Variants in DNAH10 observed in about 807,000 individuals in gnomAD.
DNAH10 encodes dynein axonemal heavy chain 10, also known as axonemal beta dynein heavy chain 10.
DNAH10 carries 348 observed loss-of-function variants against 506.6 expected under a neutral mutation model. That is an observed-to-expected ratio of 0.69 (90% CI 0.63 to 0.75). DNAH10 has a LOEUF of 0.75. DNAH10 is among the 30% of genes least tolerant of loss of function. The pLI is 0.00. For synonymous variants in DNAH10, 2,059 were observed against 2,198.6 expected (o/e 0.94, Z 1.78); for missense variants, 5,179 against 5,787.1 (o/e 0.89, Z 3.41).
chr12:123,778,193 A>G (rs1000067878), intron 5 of DNAH10, among the ~76,000 whole-genome samples: 4 of 122,024 alleles, frequency 3.3e-5, no homozygotes, highest in Non-Finnish European at 5.0e-5. Flanking sequence ...ACAGAGAGAT[A>G]CTCCATCTCT....
Position 123,882,789 on chromosome 12 carries a change from CAAAAAAAAAAAAAA to C in DNAH10, c.8823+989_8823+1002del, listed in dbSNP as rs59295124. ...CCTGGGAGACAGAGTAAGACTCTGT[CAAAAAAAAAAAAAA>C]AAAAAAAAAAAAGAACATTTTGTGG... On this transcript the variant is annotated intron_variant, in intron 51 of 78. Coordinates refer to ENST00000673944, the MANE Select transcript of DNAH10 (RefSeq NM_001372106.1). 2.4e-4 allele frequency among the ~76,000 whole-genome samples: 15 copies of C among 62,258 alleles called. 1 individual carries two copies. The East Asian group carries it at 2.7e-3, about 11-fold the overall frequency. The allele number at this position is 62,258 out of a possible 152,430, so 40.8% of individuals were successfully genotyped here.
At chr12:123,772,966 G>T (rs917378160) in intron 4 of DNAH10, 24 bp downstream of exon 4, 1 of 1,535,498 alleles carries the variant, frequency 6.5e-7, no homozygotes, top group African/African-American at 1.4e-5. Context: ...ACGTGTGTGT[G>T]TATGTGTGTT....
At chr12:123,833,535 G>T (rs573455307) in intron 27 of DNAH10, among the ~76,000 whole-genome samples, 188 bp downstream of exon 27, 5 of 152,170 alleles carry the variant, frequency 3.3e-5, no homozygotes, top group Non-Finnish European at 7.4e-5. Flanking sequence ...GAATTGATCT[G>T]AATTTTTATT....
In DNAH10 at chr12:123,768,094, A is replaced by G. The variant is rs73420365; in HGVS notation, c.298+405A>G. Among the ~76,000 whole-genome samples, 833 of 151,094 alleles carry G rather than the reference A, an allele frequency of 5.5e-3. 5 individuals carry two copies. The highest frequency in any genetic ancestry group is 0.019 in the African/African-American group (791 of 41,146). ...CGTCACATGGCCTTGTCCCCTCTGT[A>G]TCTTTCTTCTCCGTGTGTCCTCTCT... On this transcript the variant is annotated intron_variant, in intron 2 of 78. Transcript: ENST00000673944.
rs759824797 is a variant in DNAH10 at position 123,898,761 on chromosome 12, A to T, written c.9587A>T (p.Lys3196Met). ...GAGCAGAAGATCGTGCTGGCGGAGA[A>T]GTCCGCCGCCTGCGAGGCCTTGCTG... ...LAEQKIVLAE[K>M]SAACEALLEE... Residue 3196 changes from lysine (K) to methionine (M), a missense_variant, in exon 56 of 79, where the codon AAG becomes ATG. Lys to Met is a moderately conservative substitution (Grantham distance 95, BLOSUM62 -1). Transcript: ENST00000673944. 1.2e-6 allele frequency: 2 copies of T among 1,612,560 alleles called. No individual in the cohort carries two copies. Among genetic ancestry groups the T allele is most frequent in the Non-Finnish European group, 1.7e-6 (2 of 1,179,512 alleles).
rs950200044 is a variant in DNAH10 at position 123,859,723 on chromosome 12, G to A, written c.6749+455G>A. Among the ~76,000 whole-genome samples, 13 of 152,028 alleles carry A rather than the reference G, an allele frequency of 8.6e-5. No individual in the cohort carries two copies. In the South Asian group the frequency reaches 1.0e-3, roughly 12 times the overall value. ...ATTCTTCACGAAGGAAAAAGTGATC[G>A]TACACTCCCACATTGAAGATCGTAA... is the stretch of plus-strand genomic sequence containing the variant. On this transcript the variant is annotated intron_variant, in intron 38 of 78. Transcript: ENST00000673944.
chr12:123,853,820 ACG>A lies in DNAH10; in HGVS notation c.6438+470_6438+471del, dbSNP rs1951270171. Among the ~76,000 whole-genome samples the A allele has an allele frequency of 1.3e-5, 2 of 151,386 alleles. No homozygotes were observed. The highest frequency in any genetic ancestry group is 4.2e-4 in the South Asian group (2 of 4,800). On this transcript the variant is annotated intron_variant, in intron 36 of 78. Transcript: ENST00000673944. This position sits in a 1 kb window ranked among gnomAD's most constrained non-coding sequence, Gnocchi z 4.7. ...ACTGTACTCAATGTTGCACGCACACACGCACGCACACACACGCACACGCACGG... is the reference window on the plus strand; with the variant it reads ...ACTGTACTCAATGTTGCACGCACACACACGCACACACACGCACACGCACGG...
intron 34 of DNAH10, among the ~76,000 whole-genome samples, chr12:123,849,735 C>T (rs906719453): frequency 6.6e-6 from 1 of 152,206 alleles, no homozygotes; most frequent in Non-Finnish European, 1.5e-5. Context: ...CTTTAGAGCC[C>T]CATTCCAGGA....
At chr12:123,840,813 C>T (rs7313666) in intron 29 of DNAH10, among the ~76,000 whole-genome samples, 1,760 of 152,252 alleles carry the variant, frequency 0.012, 27 homozygotes, top group African/African-American at 0.037. Context: ...AAGTGTTTAA[C>T]AACATGCCAG....
chr12:123,866,304 C>T (rs867417949), intron 41 of DNAH10, among the ~76,000 whole-genome samples: 9 of 123,702 alleles, frequency 7.3e-5, no homozygotes, highest in South Asian at 5.5e-4. Context: ...AGTGCAGTGG[C>T]GCAATCTCGG....
chr12:123,800,187 G>C, intron 14 of DNAH10, 29 bp from the exon 15 acceptor site: 1 of 1,607,616 alleles, frequency 6.2e-7, no homozygotes, highest in Non-Finnish European at 8.5e-7. Flanking sequence ...GACTGCCCTG[G>C]CCGCGCTGAT....
chr12:123,787,799 CG>C lies in DNAH10; in HGVS notation c.1422-4del. The stretch of plus-strand genomic sequence containing the variant: ...CTCCCATCACGGCATCTCTTGGCTT[CG>C]CAGAGAAAATCGAGCGAGTGCCCAA... On this transcript the variant is annotated splice_region_variant and splice_polypyrimidine_tract_variant and intron_variant, in intron 9 of 78. Transcript: ENST00000673944. This position sits in a 1 kb window ranked among gnomAD's most constrained non-coding sequence, Gnocchi z 4.6. 6.2e-7 allele frequency: 1 copy of C among 1,612,576 alleles called. No homozygotes were observed. Among genetic ancestry groups the C allele is most frequent in the Non-Finnish European group, 8.5e-7 (1 of 1,179,478 alleles).
intron 18 of DNAH10, among the ~76,000 whole-genome samples, chr12:123,806,096 T>C (rs1291233268): frequency 1.3e-5 from 2 of 152,094 alleles, no homozygotes; most frequent in African/African-American, 4.8e-5. Flanking sequence ...ACATTTTTCT[T>C]TTTCGTTTTT....
chr12:123,812,370 G>C (rs1295568882), intron 19 of DNAH10, among the ~76,000 whole-genome samples: 1 of 152,140 alleles, frequency 6.6e-6, no homozygotes, highest in Non-Finnish European at 1.5e-5. Flanking sequence ...AGAATGGTGT[G>C]AACCCAGGAG....
Position 123,875,338 on chromosome 12 carries a change from C to T in DNAH10, c.8046C>T (p.Asp2682=), listed in dbSNP as rs980019679. ...GKELNCKSIR[D]LGFIAAMGKA... ...AGCTGAACTGTAAAAGCATTCGAGA[C>T]CTTGGCTTTATTGCTGCAATGGGAA... Residue 2682 remains aspartate, a synonymous_variant, in exon 47 of 79, where the codon GAC becomes GAT. Coordinates refer to ENST00000673944, the MANE Select transcript of DNAH10 (RefSeq NM_001372106.1). 12 of 1,613,924 alleles carry T rather than the reference C, an allele frequency of 7.4e-6. No homozygotes were observed. The highest frequency in any genetic ancestry group is 9.3e-6 in the Non-Finnish European group (11 of 1,179,870).
Position 123,785,586 on chromosome 12 carries a change from C to G in DNAH10, c.1231-160C>G, listed in dbSNP as rs1417000941. Among the ~76,000 whole-genome samples the G allele has an allele frequency of 6.7e-6, 1 of 150,106 alleles. No individual in the cohort carries two copies. The highest frequency in any genetic ancestry group is 1.5e-5 in the Non-Finnish European group (1 of 67,860). Reference sequence around the variant, plus strand: ...GCAGGGGAGTCGAGGCTGCAGTAAGCCATGTTTGTGCCATTGCACTCCAGC... The same window carrying G: ...GCAGGGGAGTCGAGGCTGCAGTAAGGCATGTTTGTGCCATTGCACTCCAGC... On this transcript the variant is annotated intron_variant, in intron 8 of 78. Coordinates refer to ENST00000673944, the MANE Select transcript of DNAH10 (RefSeq NM_001372106.1). This position sits in a 1 kb window ranked among gnomAD's most constrained non-coding sequence, Gnocchi z 4.1.
At position 123,860,898 on chromosome 12, in the gene DNAH10, A is replaced by C. The variant is rs1010825727; in HGVS notation, c.6750-114A>C. 2.1e-6 allele frequency: 3 copies of C among 1,411,428 alleles called. No homozygotes were observed. In the East Asian group the frequency reaches 7.0e-5, roughly 33 times the overall value. 87.4% of individuals were successfully genotyped at this position (1,411,428 alleles called of 1,614,324 possible). A position where few individuals can be genotyped will look rare whatever the true frequency, so the allele number is the denominator to read the frequency against. ...CCAGTGAAGAGTTTGCATGGGTTGCATTTTCAATTTTGGATTAAAGTCAAA... is the reference window on the plus strand; with the variant it reads ...CCAGTGAAGAGTTTGCATGGGTTGCCTTTTCAATTTTGGATTAAAGTCAAA... On this transcript the variant is annotated intron_variant, in intron 38 of 78. Coordinates refer to ENST00000673944, the MANE Select transcript of DNAH10 (RefSeq NM_001372106.1).
chr12:123,841,415 G>C lies in DNAH10; in HGVS notation c.5230G>C (p.Glu1744Gln). ...GATTTCAGCAGAAGGAGAAGTCATG[G>C]AGTTTCGGAAGATCTTGCGGGCTGA... ...AMISAEGEVMEFRKILRAEGR... is the reference protein window; with the variant it reads ...AMISAEGEVMQFRKILRAEGR... Residue 1744 changes from glutamate to glutamine, a missense_variant, in exon 30 of 79, where the codon GAG becomes CAG. By Grantham distance (29) the Glu-to-Gln change is conservative. Coordinates refer to ENST00000673944, the MANE Select transcript of DNAH10 (RefSeq NM_001372106.1). 1 of 1,614,062 alleles carries C rather than the reference G, an allele frequency of 6.2e-7. No homozygotes were observed.
At chr12:123,812,264 A>C (rs1958968120) in intron 19 of DNAH10, among the ~76,000 whole-genome samples, 1 of 152,090 alleles carries the variant, frequency 6.6e-6, no homozygotes, top group South Asian at 2.1e-4. Flanking sequence ...ATCCTGGCTA[A>C]CACGGTGAAA....
Sources: allele counts gnomAD v4.1 joint callset (sites outside exome capture counted in the v4.1 genomes callset), GRCh38; gene constraint gnomAD v4.1.1; non-coding constraint Gnocchi (gnomAD v3.1); transcripts MANE v1.5; gene names NCBI Gene and HGNC (gene_info 2026-07-23, HGNC 2026-07-21).